Variants in NPFFR2 observed in about 807,000 individuals in gnomAD.
The protein encoded by NPFFR2 is neuropeptide FF receptor 2, also known as G-protein coupled receptor 74.
NPFFR2 carries 15 observed loss-of-function variants against 13.1 expected under a neutral mutation model. The observed-to-expected ratio is 1.15, with a 90% confidence interval of 0.77 to 1.76. The LOEUF (loss-of-function observed/expected upper bound fraction) is 1.76. Among genes scored for constraint, NPFFR2 ranks in the 40% most tolerant of loss-of-function variants. NPFFR2 has a pLI of 0.00. For synonymous variants in NPFFR2, 190 were observed against 175.7 expected, an observed-to-expected ratio of 1.08 and a Z score of -0.65; for missense variants, 572 against 503.5, an observed-to-expected ratio of 1.14 and a Z score of -1.30.
intron 2 of NPFFR2, 28 bp from the exon 3 acceptor site, chr4:72,138,012 T>C: frequency 6.5e-7 from 1 of 1,530,526 alleles, no homozygotes. Flanking sequence ...ATATGATCTT[T>C]TGAAAGACTG....
In NPFFR2 at chr4:72,147,303, C is replaced by A; in HGVS notation, c.754C>A (p.Pro252Thr). Reference protein sequence around the residue: ...IGISLFRAAVPHTGRKNQEQW... With the variant: ...IGISLFRAAVTHTGRKNQEQW... ...AATTTCACTCTTCAGGGCTGCAGTT[C>A]CTCACACAGGCAGGAAGAACCAGGA... The change falls in exon 4 of 4, where the codon CCT becomes ACT. Residue 252 changes from proline to threonine, a missense_variant. Physicochemically the swap from Pro to Thr is conservative, Grantham distance 38. Transcript: ENST00000308744. 2 of 1,614,140 alleles carry A rather than the reference C, an allele frequency of 1.2e-6. No individual in the cohort carries two copies. The highest frequency in any genetic ancestry group is 2.2e-5 in the South Asian group (2 of 91,076).
chr4:72,113,556 A>G (rs907755819), intron 1 of NPFFR2, among the ~76,000 whole-genome samples: 2 of 152,102 alleles, frequency 1.3e-5, no homozygotes, highest in Non-Finnish European at 2.9e-5. Flanking sequence ...TATACTTTTT[A>G]TTGCTAAAAA....
At chr4:72,071,722 A>T (rs990446791) in intron 1 of NPFFR2, among the ~76,000 whole-genome samples, 4 of 152,102 alleles carry the variant, frequency 2.6e-5, no homozygotes, top group African/African-American at 9.7e-5. Flanking sequence ...TCCTTTATAT[A>T]CTGGGGATCT....
chr4:72,122,937 C>T (rs549160485), intron 1 of NPFFR2, among the ~76,000 whole-genome samples: 76 of 152,226 alleles, frequency 5.0e-4, no homozygotes, highest in South Asian at 2.5e-3. Context: ...ACATGAAAAA[C>T]GCTTGAAAAT....
chr4:72,099,781 C>A (rs961883519), intron 1 of NPFFR2, among the ~76,000 whole-genome samples: 1 of 152,058 alleles, frequency 6.6e-6, no homozygotes, highest in South Asian at 2.1e-4. Flanking sequence ...TTAAAAAAAA[C>A]TTGGCATTTT....
chr4:72,123,878 A>G (rs992746163), intron 1 of NPFFR2, among the ~76,000 whole-genome samples: 1 of 152,112 alleles, frequency 6.6e-6, no homozygotes, highest in Non-Finnish European at 1.5e-5. Context: ...CTCTCTCACC[A>G]CTCCTATTCA....
intron 1 of NPFFR2, among the ~76,000 whole-genome samples, chr4:72,093,711 C>G (rs1265520692): frequency 7.3e-5 from 11 of 150,752 alleles, no homozygotes; most frequent in Admixed American, 2.0e-4. Context: ...TGCTATTTTA[C>G]TGGAGATTTT....
intron 1 of NPFFR2, among the ~76,000 whole-genome samples, chr4:72,047,399 A>T (rs1279793769): frequency 6.6e-6 from 1 of 152,116 alleles, no homozygotes; most frequent in Non-Finnish European, 1.5e-5. Context: ...AGCATCCTCC[A>T]TGGGCTCACT....
intron 1 of NPFFR2, among the ~76,000 whole-genome samples, chr4:72,060,919 C>A (rs548587417): frequency 6.6e-6 from 1 of 152,172 alleles, no homozygotes; most frequent in African/African-American, 2.4e-5. Context: ...TTACAAATAT[C>A]ACATTTTTCA....
chr4:72,056,755 A>G (rs1386142916), intron 1 of NPFFR2, among the ~76,000 whole-genome samples: 1 of 152,138 alleles, frequency 6.6e-6, no homozygotes, highest in Middle Eastern at 3.4e-3. Flanking sequence ...TCAGATCTTC[A>G]GGGATGATTT....
chr4:72,136,017 A>G (rs1722399258), intron 2 of NPFFR2, among the ~76,000 whole-genome samples: 1 of 152,158 alleles, frequency 6.6e-6, no homozygotes, highest in Non-Finnish European at 1.5e-5. Context: ...TGCTAAATAT[A>G]CAATAAATTA....
Position 72,122,898 on chromosome 4 carries a change from A to C in NPFFR2, c.-7-5687A>C, listed in dbSNP as rs181545763. ...GCTAGCAGAAGACAAGAAATAACTAAGATCAGAGCAGAGCTGAAGGAGATA... is the reference window on the plus strand; with the variant it reads ...GCTAGCAGAAGACAAGAAATAACTACGATCAGAGCAGAGCTGAAGGAGATA... On this transcript the variant is annotated intron_variant, in intron 1 of 3. Coordinates refer to ENST00000308744, the MANE Select transcript of NPFFR2 (RefSeq NM_004885.3). Among the ~76,000 whole-genome samples the C allele has an allele frequency of 2.0e-3, 307 of 152,354 alleles. 2 individuals are homozygous for C. Among genetic ancestry groups the C allele is most frequent in the Non-Finnish European group, 3.5e-3 (235 of 68,028 alleles).
At chr4:72,144,122 G>A (rs1326267609) in intron 3 of NPFFR2, among the ~76,000 whole-genome samples, 5 of 151,860 alleles carry the variant, frequency 3.3e-5, no homozygotes, top group African/African-American at 1.2e-4. Flanking sequence ...ATGTCAGGTG[G>A]AGCAGCTTCA....
chr4:72,048,101 T>G (rs763372003), intron 1 of NPFFR2, among the ~76,000 whole-genome samples: 1 of 152,100 alleles, frequency 6.6e-6, no homozygotes, highest in Non-Finnish European at 1.5e-5. Context: ...TATGTTTATG[T>G]ATAGGTCATC....
At chr4:72,097,070 T>C (rs1281272990) in intron 1 of NPFFR2, among the ~76,000 whole-genome samples, 1 of 152,048 alleles carries the variant, frequency 6.6e-6, no homozygotes, top group East Asian at 1.9e-4. Flanking sequence ...TCTAGATAAT[T>C]GAAGTTTTCC....
At chr4:72,059,752 A>G (rs1363890301) in intron 1 of NPFFR2, among the ~76,000 whole-genome samples, 1 of 152,096 alleles carries the variant, frequency 6.6e-6, no homozygotes, top group African/African-American at 2.4e-5. Context: ...ATATTTAGTC[A>G]CTAAAGGAAG....
At chr4:72,050,962 A>G (rs1719548019) in intron 1 of NPFFR2, among the ~76,000 whole-genome samples, 1 of 151,946 alleles carries the variant, frequency 6.6e-6, no homozygotes, top group Non-Finnish European at 1.5e-5. Context: ...TTATGGCTGC[A>G]TAGTATTCCA....
intron 2 of NPFFR2, among the ~76,000 whole-genome samples, chr4:72,132,122 A>G: frequency 6.8e-6 from 1 of 147,652 alleles, no homozygotes; most frequent in East Asian, 2.0e-4. Context: ...TAAGCCTAGT[A>G]CCCATTGGTT....
At chr4:72,093,054 T>C (rs1720959544) in intron 1 of NPFFR2, among the ~76,000 whole-genome samples, 1 of 152,208 alleles carries the variant, frequency 6.6e-6, no homozygotes, top group South Asian at 2.1e-4. Flanking sequence ...CAGCATTGTT[T>C]ATCTGAAAAA....
Sources: gnomAD v4.1 joint callset for allele counts (sites outside exome capture counted in the v4.1 genomes callset) on GRCh38, gnomAD v4.1.1 for gene constraint, MANE v1.5 for transcripts, NCBI Gene and HGNC (gene_info 2026-07-23, HGNC 2026-07-21) for gene names.